The following FAM83A variants were observed in gnomAD, a reference collection of about 807,000 sequenced individuals.
FAM83A encodes the protein scaffolding CK1 anchoring protein A, also known as protein FAM83A.
In FAM83A, 21 loss-of-function variants were observed where a neutral mutation model predicts 24.4. The ratio of observed to expected loss-of-function variants is 0.86; its 90% CI spans 0.61 to 1.24. FAM83A has a LOEUF of 1.24. Ranked by LOEUF, FAM83A falls within the 50% of genes most tolerant of loss-of-function variation. The pLI is 0.00. For missense variants in FAM83A, 617 were observed against 579.8 expected (o/e 1.06, Z -0.66); for synonymous variants, 270 against 252.4 (o/e 1.07, Z -0.66).
chr8:123,201,626 T>A (rs2131097884), intron 3 of FAM83A: 1 of 152,362 alleles, frequency 6.6e-6, no homozygotes, highest in Middle Eastern at 3.4e-3. Context: ...ATTTATCCCT[T>A]TCTTTTAGCC....
intron 3 of FAM83A, among the ~76,000 whole-genome samples, chr8:123,194,475 A>G (rs1371907013): frequency 6.7e-6 from 1 of 149,626 alleles, no homozygotes; most frequent in Non-Finnish European, 1.5e-5. Context: ...GTGTGTGTGC[A>G]CATCCCATTG....
At position 123,209,044 on chromosome 8, in the gene FAM83A, C is replaced by T. The variant is rs1824652367; in HGVS notation, c.*1356C>T. 1.0e-6 allele frequency: 1 copy of T among 991,316 alleles called. No homozygotes were observed. The highest frequency in any genetic ancestry group is 1.7e-5 in the African/African-American group (1 of 57,258). The allele number at this position is 991,316 out of a possible 1,614,324, so 61.4% of individuals were successfully genotyped here. On this transcript the variant is annotated 3_prime_UTR_variant, in exon 4 of 4. Coordinates refer to ENST00000690554, the Ensembl canonical transcript of FAM83A. The surrounding 1 kb of genome is among the most constrained non-coding windows in gnomAD (Gnocchi z 4.7). ...TGGGTGGGATGTCAGAGACACTTCC[C>T]AGATAAAGTAAGAGTTAACCCTGCA...
At chr8:123,182,278 C>A, upstream of FAM83A, 1 of 376,926 alleles carries the variant, frequency 2.7e-6, no homozygotes, top group Non-Finnish European at 5.4e-6. Flanking sequence ...ACAGCTCTCC[C>A]TGGCCCGTGT....
At chr8:123,184,609 T>G (rs2131059332) in intron 1 of FAM83A, among the ~76,000 whole-genome samples, 1 of 152,208 alleles carries the variant, frequency 6.6e-6, no homozygotes, top group East Asian at 1.9e-4. Context: ...TCAAGTGATA[T>G]CCTGCTGTCA....
intron 3 of FAM83A, among the ~76,000 whole-genome samples, chr8:123,198,783 C>G (rs764132180): frequency 2.0e-5 from 3 of 152,060 alleles, no homozygotes; most frequent in Admixed American, 6.6e-5. Flanking sequence ...GCTCTTTTGC[C>G]TAGCGTGGTG....
chr8:123,182,781 G>GC, exon 1 of FAM83A: 1 of 1,492,656 alleles, frequency 6.7e-7, no homozygotes, highest in South Asian at 1.4e-5. Context: ...CTCCTCCGTG[G>GC]TGTGTTCCAT....
chr8:123,209,691 T>C lies in FAM83A; in HGVS notation c.*2003T>C. On this transcript the variant is annotated 3_prime_UTR_variant, in exon 4 of 4. Coordinates refer to ENST00000690554, the Ensembl canonical transcript of FAM83A. This position sits in a 1 kb window ranked among gnomAD's most constrained non-coding sequence, Gnocchi z 4.7. ...CCTGTGCCTGTGTCGAGCTCAGTCC[T>C]GGGAGATAGGGGAGAACCTGCAGGC... is the stretch of plus-strand genomic sequence containing the variant. The C allele has an allele frequency of 1.1e-6, 1 of 899,510 alleles. No homozygotes were observed. Among genetic ancestry groups the C allele is most frequent in the Non-Finnish European group, 1.7e-6 (1 of 583,382 alleles). The allele number at this position is 899,510 out of a possible 1,614,324, so 55.7% of individuals were successfully genotyped here. A position where few individuals can be genotyped will look rare whatever the true frequency, so the allele number is the denominator to read the frequency against.
Position 123,207,477 on chromosome 8 carries a change from C to A in FAM83A, c.1094C>A (p.Pro365Gln), listed in dbSNP as rs1290508553. 2.5e-6 allele frequency: 4 copies of A among 1,586,766 alleles called. No homozygotes were observed. In the African/African-American group the frequency reaches 5.4e-5, roughly 21 times the overall value. ...AGCCCCGCGGCCCCACACCCGCCTC[C>A]ACCGCCCCGGTTCCAGCCCCACCAA... Residue 365 changes from proline (P) to glutamine (Q), a missense_variant, in exon 4 of 4, where the codon CCA becomes CAA. Coordinates refer to ENST00000690554, the Ensembl canonical transcript of FAM83A.
At chr8:123,204,640 T>C (rs1487082184) in intron 3 of FAM83A, among the ~76,000 whole-genome samples, 1 of 151,978 alleles carries the variant, frequency 6.6e-6, no homozygotes, top group Admixed American at 6.6e-5. Context: ...CGGGCGCCTG[T>C]AGTCCCAGCT....
chr8:123,201,721 C>G (rs976454614), intron 3 of FAM83A: 2 of 152,252 alleles, frequency 1.3e-5, no homozygotes, highest in Non-Finnish European at 2.9e-5. Context: ...GCTTCCTCCG[C>G]TGAGGCTAGA....
intron 3 of FAM83A, among the ~76,000 whole-genome samples, chr8:123,199,546 C>A (rs2131092263): frequency 6.6e-6 from 1 of 152,248 alleles, no homozygotes; most frequent in South Asian, 2.1e-4. Context: ...ACCAGCCAGA[C>A]CAACATGGAG....
At chr8:123,194,282 G>A in intron 3 of FAM83A, 134 bp downstream of exon 3, 1 of 1,280,790 alleles carries the variant, frequency 7.8e-7, no homozygotes, top group Non-Finnish European at 1.1e-6. Context: ...CGGAGCTGGA[G>A]CTGCATCACA....
At chr8:123,192,631 G>A (rs890157328) in intron 2 of FAM83A, among the ~76,000 whole-genome samples, 2 of 152,180 alleles carry the variant, frequency 1.3e-5, no homozygotes, top group African/African-American at 4.8e-5. Context: ...GGCCCTCAGA[G>A]TTCTTTTGAT....
upstream of FAM83A, among the ~76,000 whole-genome samples, chr8:123,181,452 C>T (rs1291687845): frequency 1.3e-5 from 2 of 152,086 alleles, no homozygotes; most frequent in Non-Finnish European, 2.9e-5. Context: ...AGCGTCAGGG[C>T]CTTGCTTTCA....
chr8:123,195,212 CAT>C (rs1485664656), intron 3 of FAM83A, among the ~76,000 whole-genome samples: 3 of 152,286 alleles, frequency 2.0e-5, no homozygotes, highest in East Asian at 3.9e-4. Flanking sequence ...GCTGCAAACA[CAT>C]AGTAGTGACC....
exon 3 of FAM83A, chr8:123,194,101 G>C: frequency 3.1e-6 from 5 of 1,614,206 alleles, no homozygotes; most frequent in Non-Finnish European, 4.2e-6. Context: ...AAATCCGGGA[G>C]AAGTTCATCA....
intron 2 of FAM83A, among the ~76,000 whole-genome samples, chr8:123,193,550 A>T (rs1267663958): frequency 6.6e-6 from 1 of 152,232 alleles, no homozygotes; most frequent in East Asian, 1.9e-4. Flanking sequence ...CCAACCAGAG[A>T]TAACACATTT....
chr8:123,183,683 C>CTT (rs60861074), intron 1 of FAM83A, among the ~76,000 whole-genome samples: 1 of 130,998 alleles, frequency 7.6e-6, no homozygotes, highest in African/African-American at 2.8e-5. Context: ...TTTTTTCTTT[C>CTT]TTTTTTTTTT....
At chr8:123,179,401 A>T (rs1201920853), upstream of FAM83A, 2 of 152,204 alleles carry the variant, frequency 1.3e-5, no homozygotes, top group African/African-American at 4.8e-5. Context: ...GTCTTACCAG[A>T]TACTGGCACC....
Sources: gnomAD v4.1 joint callset for allele counts (sites outside exome capture counted in the v4.1 genomes callset) on GRCh38, gnomAD v4.1.1 for gene constraint, Gnocchi (gnomAD v3.1) non-coding constraint, MANE v1.5 for transcripts, NCBI Gene and HGNC (gene_info 2026-07-23, HGNC 2026-07-21) for gene names.